MYO16: variants seen among roughly 807,000 people sequenced by gnomAD.
MYO16 encodes the protein unconventional myosin-XVI.
In MYO16, 94 loss-of-function variants were observed where a neutral mutation model predicts 205.3. The observed-to-expected ratio is 0.46, with a 90% CI of 0.39 to 0.54. The LOEUF is 0.54. MYO16 is among the 20% of genes least tolerant of loss of function. The pLI, the probability that MYO16 is intolerant of heterozygous loss-of-function variation, is 0.00. For synonymous variants in MYO16, 988 were observed against 954.0 expected (o/e 1.04, Z -0.66); for missense variants, 2,315 against 2,387.5 (o/e 0.97, Z 0.63).
intron 2 of MYO16, among the ~76,000 whole-genome samples, chr13:108,690,749 T>C (rs1369393113): frequency 6.6e-6 from 1 of 152,146 alleles, no homozygotes; most frequent in Non-Finnish European, 1.5e-5. Flanking sequence ...ATATTGATAA[T>C]AGACAATGTT....
At chr13:109,000,868 G>A (rs369681103) in intron 21 of MYO16, among the ~76,000 whole-genome samples, 6 of 151,844 alleles carry the variant, frequency 4.0e-5, no homozygotes, top group South Asian at 2.1e-4. Flanking sequence ...GTTTGTAGTC[G>A]ATAGACTCCT....
chr13:108,973,955 C>T (rs550518312), intron 20 of MYO16, among the ~76,000 whole-genome samples: 1 of 151,396 alleles, frequency 6.6e-6, no homozygotes, highest in East Asian at 1.9e-4. Flanking sequence ...AAAAAAAAAA[C>T]TCCCAGTGGC....
At chr13:109,154,637 GA>G (rs1423153133) in intron 32 of MYO16, among the ~76,000 whole-genome samples, 1 of 151,992 alleles carries the variant, frequency 6.6e-6, no homozygotes, top group Non-Finnish European at 1.5e-5. Flanking sequence ...ACTCCCAACA[GA>G]AGAGCAGGGA....
At chr13:108,994,376 G>A (rs1308343341) in intron 21 of MYO16, among the ~76,000 whole-genome samples, 2 of 151,948 alleles carry the variant, frequency 1.3e-5, no homozygotes, top group Non-Finnish European at 2.9e-5. Context: ...TTGCTATTGT[G>A]TACAAAAGCA....
intron 1 of MYO16, among the ~76,000 whole-genome samples, chr13:108,599,573 T>C (rs530154930): frequency 6.6e-6 from 1 of 152,288 alleles, no homozygotes; most frequent in South Asian, 2.1e-4. Flanking sequence ...CTAAGAAGGA[T>C]ACGTACCATA....
chr13:108,580,681 G>T, the MYO16 span, among the ~76,000 whole-genome samples: 1 of 152,264 alleles, frequency 6.6e-6, no homozygotes, highest in African/African-American at 2.4e-5. Context: ...GTGCACTCTT[G>T]GTAAGCTCAC....
At position 108,942,529 on chromosome 13, in the gene MYO16, G is replaced by C. The variant is rs138170476; in HGVS notation, c.1926-15159G>C. 5.9e-3 allele frequency among the ~76,000 whole-genome samples: 898 copies of C among 152,246 alleles called. 6 individuals carry two copies. Among genetic ancestry groups the C allele is most frequent in the African/African-American group, 0.019 (806 of 41,540 alleles). On this transcript the variant is annotated intron_variant, in intron 16 of 34. Coordinates refer to ENST00000457511, the MANE Select transcript of MYO16 (RefSeq NM_001198950.3). ...AAAAAAACTCATATTTTAAATATTAGTTTGCCTTCTCTGAATTAATAATTA... is the reference window on the plus strand; with the variant it reads ...AAAAAAACTCATATTTTAAATATTACTTTGCCTTCTCTGAATTAATAATTA...
the MYO16 span, among the ~76,000 whole-genome samples, chr13:108,505,130 T>G: frequency 5.9e-5 from 9 of 152,200 alleles, no homozygotes; most frequent in African/African-American, 2.2e-4. Flanking sequence ...TGTGCAAGTA[T>G]CTCTTCAAGA....
chr13:109,050,458 C>T (rs941661691), intron 24 of MYO16, among the ~76,000 whole-genome samples: 9 of 152,104 alleles, frequency 5.9e-5, no homozygotes, highest in African/African-American at 1.9e-4. Flanking sequence ...TGTGATAAGG[C>T]GGTGCTCTTC....
chr13:108,687,646 T>A (rs1469880433), intron 2 of MYO16, among the ~76,000 whole-genome samples: 1 of 152,214 alleles, frequency 6.6e-6, no homozygotes, highest in Non-Finnish European at 1.5e-5. Context: ...CTTGATGTAT[T>A]TGAACAACGC....
Position 108,895,924 on chromosome 13 carries a change from G to A in MYO16, c.1660-2092G>A, listed in dbSNP as rs1009403704. Among the ~76,000 whole-genome samples, 3 of 152,116 alleles carry A rather than the reference G, an allele frequency of 2.0e-5. 1 individual carries two copies. Among genetic ancestry groups the A allele is most frequent in the South Asian group, 4.2e-4 (2 of 4,814 alleles). On this transcript the variant is annotated intron_variant, in intron 14 of 34. Coordinates refer to ENST00000457511, the MANE Select transcript of MYO16 (RefSeq NM_001198950.3). Reference sequence around the variant, plus strand: ...CGTAAAGCTGAGTGCTTTACACAGCGGACACTGACAAACACTGAAGGAGTT... The same window carrying A: ...CGTAAAGCTGAGTGCTTTACACAGCAGACACTGACAAACACTGAAGGAGTT...
intron 31 of MYO16, among the ~76,000 whole-genome samples, chr13:109,131,454 A>G (rs934210018): frequency 6.6e-6 from 1 of 152,230 alleles, no homozygotes; most frequent in Non-Finnish European, 1.5e-5. Context: ...TTGTGCCTCA[A>G]AAGCGTGAAA....
intron 32 of MYO16, among the ~76,000 whole-genome samples, chr13:109,161,610 T>C (rs963211609): frequency 5.3e-5 from 8 of 152,238 alleles, no homozygotes; most frequent in Non-Finnish European, 8.8e-5. Context: ...GGAAGTATCA[T>C]GCTGACCATT....
At chr13:109,049,635 G>A (rs1483449556) in intron 24 of MYO16, among the ~76,000 whole-genome samples, 4 of 151,610 alleles carry the variant, frequency 2.6e-5, no homozygotes, top group Non-Finnish European at 5.9e-5. Context: ...TTTTATTAGA[G>A]GCATTTTCTC....
Position 109,141,382 on chromosome 13 carries a change from C to A in MYO16, c.5164+6C>A. On this transcript the variant is annotated splice_donor_region_variant and intron_variant, in intron 32 of 34. Coordinates refer to ENST00000457511, the MANE Select transcript of MYO16 (RefSeq NM_001198950.3). This position sits in a 1 kb window ranked among gnomAD's most constrained non-coding sequence, Gnocchi z 4.1. ...AAAAATCAGGGAAGCAGAAGGTAAG[C>A]GGAGCAGACATCCCCCCACTCCTTT... 2 of 1,486,560 alleles carry A rather than the reference C, an allele frequency of 1.3e-6. No homozygotes were observed. Among genetic ancestry groups the A allele is most frequent in the South Asian group, 1.4e-5 (1 of 73,306 alleles). The allele number at this position is 1,486,560 out of a possible 1,614,324, so 92.1% of individuals were successfully genotyped here.
chr13:108,754,962 A>C (rs1242452430), intron 4 of MYO16, among the ~76,000 whole-genome samples: 1 of 151,076 alleles, frequency 6.6e-6, no homozygotes, highest in Non-Finnish European at 1.5e-5. Context: ...GAATATATAG[A>C]GAGAGAGACA....
chr13:108,747,028 T>C (rs1207861941), intron 4 of MYO16, among the ~76,000 whole-genome samples: 1 of 152,134 alleles, frequency 6.6e-6, no homozygotes, highest in Non-Finnish European at 1.5e-5. Flanking sequence ...AAAGAAACAC[T>C]GCCAACATAG....
chr13:108,916,186 A>G lies in MYO16; in HGVS notation c.1925+6036A>G, dbSNP rs142868416. ...CAGATTCTCACAGACTCCATTATTAATAACCTAAGTGACAGTCACAGTCAT... is the reference window on the plus strand; with the variant it reads ...CAGATTCTCACAGACTCCATTATTAGTAACCTAAGTGACAGTCACAGTCAT... On this transcript the variant is annotated intron_variant, in intron 16 of 34. Transcript: ENST00000457511. Among the ~76,000 whole-genome samples the G allele has an allele frequency of 2.9e-4, 44 of 152,340 alleles. 1 individual carries two copies. In the East Asian group the frequency reaches 4.8e-3, roughly 17 times the overall value.
chr13:108,963,367 G>A (rs149233444), intron 19 of MYO16, among the ~76,000 whole-genome samples: 29 of 152,180 alleles, frequency 1.9e-4, no homozygotes, highest in Non-Finnish European at 3.4e-4. Flanking sequence ...TGTTCACTCA[G>A]TTGCCCAAAA....
Sources: gnomAD v4.1 joint callset for allele counts (sites outside exome capture counted in the v4.1 genomes callset) on GRCh38, gnomAD v4.1.1 for gene constraint, Gnocchi (gnomAD v3.1) non-coding constraint, MANE v1.5 for transcripts, NCBI Gene and HGNC (gene_info 2026-07-23, HGNC 2026-07-21) for gene names.